ADGRB3: variants seen among roughly 807,000 people sequenced by gnomAD.
ADGRB3 encodes the protein brain-specific angiogenesis inhibitor 3.
A neutral mutation model predicts 193.4 loss-of-function variants in ADGRB3; 37 were observed. That is an observed-to-expected ratio of 0.19 (90% CI 0.15 to 0.25). The LOEUF (loss-of-function observed/expected upper bound fraction) is 0.25. Among genes scored for constraint, ADGRB3 ranks in the 10% least tolerant of loss-of-function variants. The pLI is 1.00. For synonymous variants in ADGRB3, 690 were observed against 644.2 expected (o/e 1.07, Z -1.08); for missense variants, 1,637 against 1,852.9 (o/e 0.88, Z 2.14).
At chr6:69,040,675 C>CAAAAAAAAAAAAAAAAAAAAAAAAA (rs869146684) in intron 13 of ADGRB3, among the ~76,000 whole-genome samples, 3 of 19,526 alleles carry the variant, frequency 1.5e-4, no homozygotes, top group African/African-American at 2.2e-4. Context: ...GACTGATGGA[C>CAAAAAAAAAAAAAAAAAAAAAAAAA]AAAAAAAAAA....
chr6:68,825,598 A>G (rs185036700), intron 3 of ADGRB3, among the ~76,000 whole-genome samples: 125 of 152,272 alleles, frequency 8.2e-4, no homozygotes, highest in African/African-American at 2.9e-3. Context: ...TAATCCCTAT[A>G]ATCCCCATAA....
At chr6:69,053,183 TA>T (rs958378403) in intron 15 of ADGRB3, among the ~76,000 whole-genome samples, 19 of 151,000 alleles carry the variant, frequency 1.3e-4, no homozygotes, top group South Asian at 1.0e-3. Context: ...CAAGATTCCA[TA>T]AAAAAAAATG....
At chr6:69,185,954 A>G (rs1301891066) in intron 17 of ADGRB3, among the ~76,000 whole-genome samples, 1 of 152,076 alleles carries the variant, frequency 6.6e-6, no homozygotes, top group African/African-American at 2.4e-5. Context: ...GATCAAAGTG[A>G]TCAATCTGAG....
chr6:68,703,130 G>T (rs1402051473), intron 3 of ADGRB3, among the ~76,000 whole-genome samples: 1 of 152,148 alleles, frequency 6.6e-6, no homozygotes, highest in African/African-American at 2.4e-5. Context: ...AAATCAAGGT[G>T]ATGGGTATAT....
intron 26 of ADGRB3, 149 bp downstream of exon 26, chr6:69,339,653 T>A (rs947026608): frequency 6.9e-6 from 7 of 1,008,262 alleles, no homozygotes; most frequent in Non-Finnish European, 1.0e-5. Context: ...AGGAATGCTT[T>A]AAGACACAGC....
rs61405700 is a variant in ADGRB3, at chr6:68,891,316, A to G, written c.758-39243A>G. ...TTGGGTGGGGACACAGAGCCAAACC[A>G]TATCAAATAGGGAACAGTAAAATTA... On this transcript the variant is annotated intron_variant, in intron 3 of 31. Coordinates refer to ENST00000370598, the MANE Select transcript of ADGRB3 (RefSeq NM_001704.3). Among the ~76,000 whole-genome samples the G allele has an allele frequency of 1.6e-3, 249 of 152,292 alleles. 3 individuals are homozygous for G. Among genetic ancestry groups the G allele is most frequent in the African/African-American group, 5.8e-3 (240 of 41,562 alleles).
At chr6:69,007,210 A>G (rs1336638) in intron 11 of ADGRB3, among the ~76,000 whole-genome samples, 116,602 of 152,078 alleles carry the variant, frequency 0.77, 45,408 homozygotes, top group African/African-American at 0.91. Context: ...TCGTCATGTC[A>G]TTTCTCTAAA....
chr6:68,884,575 A>G (rs563762424), intron 3 of ADGRB3, among the ~76,000 whole-genome samples: 59 of 152,304 alleles, frequency 3.9e-4, no homozygotes, highest in African/African-American at 1.3e-3. Flanking sequence ...AGTTTAGGAC[A>G]TGGTCTGAGA....
chr6:69,151,782 TG>T (rs1774686903), intron 17 of ADGRB3, among the ~76,000 whole-genome samples: 1 of 152,250 alleles, frequency 6.6e-6, no homozygotes, highest in South Asian at 2.1e-4. Context: ...CAAGTTGATA[TG>T]GTTTGGCTGT....
intron 17 of ADGRB3, among the ~76,000 whole-genome samples, chr6:69,084,882 C>A (rs1210237010): frequency 6.6e-6 from 1 of 152,014 alleles, no homozygotes; most frequent in South Asian, 2.1e-4. Flanking sequence ...ATGGGAGGTG[C>A]TCAATAAAGG....
In ADGRB3 at chr6:69,294,552, G is replaced by T. The variant is rs186980578; in HGVS notation, c.2815-30320G>T. On this transcript the variant is annotated intron_variant, in intron 20 of 31. Transcript: ENST00000370598. ...GCAGCCTTTGGGTTCTCTACAATTC[G>T]CTCCGACACTTCCCACATTGAATCT... 2.8e-3 allele frequency among the ~76,000 whole-genome samples: 431 copies of T among 152,124 alleles called. 5 individuals carry two copies. Among genetic ancestry groups the T allele is most frequent in the African/African-American group, 9.9e-3 (412 of 41,512 alleles).
intron 13 of ADGRB3, among the ~76,000 whole-genome samples, chr6:69,025,316 A>G (rs886642058): frequency 7.9e-5 from 12 of 152,008 alleles, no homozygotes; most frequent in Admixed American, 3.3e-4. Context: ...CATTGGTAGA[A>G]TATCTTGTTC....
intron 3 of ADGRB3, among the ~76,000 whole-genome samples, chr6:68,804,224 A>G (rs1767362298): frequency 1.3e-5 from 2 of 152,160 alleles, no homozygotes; most frequent in South Asian, 4.1e-4. Context: ...GCACATTTAT[A>G]CCTTCGGGCC....
rs369349791 is a variant in ADGRB3, at chr6:68,736,137, C to T, written c.757+96705C>T. 1.5e-3 allele frequency among the ~76,000 whole-genome samples: 225 copies of T among 151,816 alleles called. 2 individuals are homozygous for T. Among genetic ancestry groups the T allele is most frequent in the South Asian group, 6.2e-3 (30 of 4,806 alleles). On this transcript the variant is annotated intron_variant, in intron 3 of 31. Coordinates refer to ENST00000370598, the MANE Select transcript of ADGRB3 (RefSeq NM_001704.3). ...GGAGATCCCTCCTGCTTCAGCCTCT[C>T]CTGTAGCTGGGACTATAGGCACTTG...
intron 20 of ADGRB3, among the ~76,000 whole-genome samples, chr6:69,258,377 G>A (rs1433034996): frequency 6.6e-6 from 1 of 152,146 alleles, no homozygotes; most frequent in Non-Finnish European, 1.5e-5. Context: ...ATAGAATACT[G>A]ACAGAGACTT....
intron 15 of ADGRB3, among the ~76,000 whole-genome samples, chr6:69,060,200 T>TCTC (rs1771691857): frequency 1.2e-5 from 1 of 84,228 alleles, no homozygotes; most frequent in Non-Finnish European, 2.5e-5. Flanking sequence ...CTCTCTCTCT[T>TCTC]TCTCTGTCTC....
chr6:68,763,595 A>C (rs542889052), intron 3 of ADGRB3, among the ~76,000 whole-genome samples: 9 of 152,304 alleles, frequency 5.9e-5, no homozygotes, highest in African/African-American at 2.2e-4. Flanking sequence ...CACATTTTAA[A>C]TGTTAACTAG....
intron 17 of ADGRB3, among the ~76,000 whole-genome samples, chr6:69,102,755 G>T (rs3823073): frequency 0.014 from 2,199 of 152,266 alleles, 77 homozygotes; most frequent in East Asian, 0.096. Context: ...GAACAAATTG[G>T]ACTTGTAATG....
intron 3 of ADGRB3, among the ~76,000 whole-genome samples, chr6:68,844,522 G>C (rs890439010): frequency 2.0e-5 from 3 of 152,148 alleles, no homozygotes; most frequent in African/African-American, 7.2e-5. Flanking sequence ...GGAGAAAAGG[G>C]AACCATCCTG....
Sources: allele counts gnomAD v4.1 joint callset (sites outside exome capture counted in the v4.1 genomes callset), GRCh38; gene constraint gnomAD v4.1.1; transcripts MANE v1.5; gene names NCBI Gene and HGNC (gene_info 2026-07-23, HGNC 2026-07-21).